KRT20: variants seen among roughly 807,000 people sequenced by gnomAD.
KRT20 encodes the protein keratin, type I cytoskeletal 20.
In KRT20, 41 loss-of-function variants were observed where a neutral mutation model predicts 43.0. The ratio of observed to expected loss-of-function variants is 0.95; its 90% CI spans 0.74 to 1.24. The LOEUF is 1.24. KRT20 is among the 50% of genes most tolerant of loss of function. The pLI is 0.00. For missense variants in KRT20, 533 were observed against 521.2 expected (o/e 1.02, Z -0.22); for synonymous variants, 207 against 200.6 (o/e 1.03, Z -0.27).
chr17:40,880,030 G>A, intron 4 of KRT20, 70 bp downstream of exon 4: 1 of 1,594,682 alleles, frequency 6.3e-7, no homozygotes, highest in Non-Finnish European at 8.6e-7. Context: ...AAATGAAAAA[G>A]AAAATGAGTT....
chr17:40,884,997 C>T lies in KRT20; in HGVS notation c.189G>A (p.Gly63=), dbSNP rs113985461. Residue 63 remains glycine (G), a synonymous_variant, in exon 1 of 8, where the codon GGG becomes GGA. Coordinates refer to ENST00000167588, the MANE Select transcript of KRT20 (RefSeq NM_019010.3). ...TTTTCTCATTGCCAACAAACAGGTC[C>T]CCGCCGCCTGTGAGATCGCTCCCAT... ...VNYGSDLTGG[G]DLFVGNEKMA... is the part of the protein sequence containing the mutation. 62 of 1,614,140 alleles carry T rather than the reference C, an allele frequency of 3.8e-5. No homozygotes were observed. The African/African-American group carries it at 6.0e-4, about 16-fold the overall frequency.
rs1907519638 is a variant in KRT20 at position 40,879,921 on chromosome 17, TTGC to T, written c.807_809del (p.Gln271del). On this transcript the variant is annotated inframe_deletion, in exon 5 of 8. Transcript: ENST00000167588. ...ATTCTTCAGTATTCACTGTGACCTGTTGCTGCAGAACTGCAGTCTACAGTGCCA... is the reference window on the plus strand; with the variant it reads ...ATTCTTCAGTATTCACTGTGACCTGTTGCAGAACTGCAGTCTACAGTGCCA... The T allele has an allele frequency of 6.2e-7, 1 of 1,613,738 alleles. No homozygotes were observed. The highest frequency in any genetic ancestry group is 8.5e-7 in the Non-Finnish European group (1 of 1,179,992).
intron 7 of KRT20, among the ~76,000 whole-genome samples, chr17:40,876,969 G>A (rs562528706): frequency 2.0e-5 from 3 of 152,122 alleles, no homozygotes; most frequent in Admixed American, 2.0e-4. Context: ...TGGGAGGTGC[G>A]GCCTAGTAAA....
At position 40,884,834 on chromosome 17, in the gene KRT20, T is replaced by A. The variant is rs1355767137; in HGVS notation, c.352A>T (p.Ser118Cys). Residue 118 changes from serine (S) to cysteine (C), a missense_variant, in exon 1 of 8, where the codon AGT becomes TGT. Ser to Cys is a moderately radical substitution (Grantham distance 112). Transcript: ENST00000167588. ...TCTTCAATTTGTCTGTAATATGCAC[T>A]GTAGTCGCGACCAGCCCTCGGGGCG... ...TNAPRAGRDY[S>C]AYYRQIEELR... 1.4e-5 allele frequency: 22 copies of A among 1,614,088 alleles called. No individual in the cohort carries two copies. The highest frequency in any genetic ancestry group is 1.9e-5 in the Non-Finnish European group (22 of 1,180,038).
At chr17:40,879,167 C>T (rs949031378) in intron 5 of KRT20, among the ~76,000 whole-genome samples, 1 of 152,152 alleles carries the variant, frequency 6.6e-6, no homozygotes, top group African/African-American at 2.4e-5. Flanking sequence ...GTAGGGCCTA[C>T]CCCTTTAGCC....
intron 5 of KRT20, 109 bp downstream of exon 5, chr17:40,879,704 T>G (rs1301583445): frequency 1.1e-5 from 14 of 1,268,390 alleles, no homozygotes; most frequent in Non-Finnish European, 1.5e-5. Flanking sequence ...CTGCCAGTTC[T>G]GCAAGGGGAA....
At chr17:40,877,228 C>T (rs373669530) in intron 7 of KRT20, 152 bp downstream of exon 7, 3 of 612,366 alleles carry the variant, frequency 4.9e-6, no homozygotes, top group East Asian at 3.3e-5. Flanking sequence ...GCCAAGTAAA[C>T]GTCTATTGTT....
In KRT20 at chr17:40,882,652, A is replaced by T. The variant is rs770710581; in HGVS notation, c.393T>A (p.Ile131=). 28 of 1,453,010 alleles carry T rather than the reference A, an allele frequency of 1.9e-5. No individual in the cohort carries two copies. Among genetic ancestry groups the T allele is most frequent in the Non-Finnish European group, 2.0e-5 (22 of 1,081,968 alleles). The allele number at this position is 1,453,010 out of a possible 1,614,324, so 90.0% of individuals were successfully genotyped here. ...GAGCATTTTGCAGTTGAGCATCCTT[A>T]ATCTGGAAAATACATGAGAAAGAAT... is the stretch of plus-strand genomic sequence containing the variant. ...YRQIEELRSQ[I]KDAQLQNARC... Residue 131 remains isoleucine, a splice_region_variant and synonymous_variant, in exon 2 of 8, where the codon ATT becomes ATA. Transcript: ENST00000167588.
intron 2 of KRT20, among the ~76,000 whole-genome samples, chr17:40,881,181 T>C (rs1907579533): frequency 1.3e-5 from 2 of 152,066 alleles, no homozygotes; most frequent in African/African-American, 4.8e-5. Flanking sequence ...CCAAAGTGAA[T>C]TATCTCAAAC....
intron 5 of KRT20, among the ~76,000 whole-genome samples, chr17:40,878,605 A>G (rs756893482): frequency 2.1e-4 from 32 of 152,104 alleles, no homozygotes; most frequent in Middle Eastern, 6.8e-3. Flanking sequence ...AGTGCGGCGC[A>G]TTGTAGCATT....
rs753820643 is a variant in KRT20 at position 40,882,558 on chromosome 17, A to T, written c.473+14T>A. 6 of 1,502,346 alleles carry T rather than the reference A, an allele frequency of 4.0e-6. No homozygotes were observed. The Admixed American group carries it at 1.2e-4, about 30-fold the overall frequency. The allele number at this position is 1,502,346 out of a possible 1,614,324, so 93.1% of individuals were successfully genotyped here. On this transcript the variant is annotated intron_variant, in intron 2 of 7. Coordinates refer to ENST00000167588, the MANE Select transcript of KRT20 (RefSeq NM_019010.3). ...TCTTTTTCAGAAACTTTTGCCACGT[A>T]TTAGGGAACCTACTTCAGTCTGAAG...
rs998031679 is a variant in KRT20 at position 40,876,028 on chromosome 17, A to G, written c.*333T>C. On this transcript the variant is annotated 3_prime_UTR_variant, in exon 8 of 8. Coordinates refer to ENST00000167588, the MANE Select transcript of KRT20 (RefSeq NM_019010.3). ...GTGAGGTTTAGTATAATTGAAATGT[A>G]TTGCAATTTTCAGGAACATTACCTA... The G allele has an allele frequency of 3.1e-5, 6 of 195,798 alleles. No homozygotes were observed. Among genetic ancestry groups the G allele is most frequent in the Admixed American group, 1.2e-4 (2 of 17,136 alleles). 12.1% of individuals were successfully genotyped at this position (195,798 alleles called of 1,614,324 possible). A position where few individuals can be genotyped will look rare whatever the true frequency, so the allele number is the denominator to read the frequency against.
intron 3 of KRT20, 68 bp downstream of exon 3, chr17:40,880,546 C>T (rs1907549267): frequency 1.4e-6 from 2 of 1,380,264 alleles, no homozygotes; most frequent in Non-Finnish European, 2.0e-6. Context: ...TTCTCCCGCT[C>T]CTCCTATTAT....
At chr17:40,883,882 C>T (rs7207084) in intron 1 of KRT20, among the ~76,000 whole-genome samples, 2,446 of 152,300 alleles carry the variant, frequency 0.016, 74 homozygotes, top group African/African-American at 0.056. Context: ...AAAGTAACTT[C>T]CCATGGAGTC....
intron 1 of KRT20, among the ~76,000 whole-genome samples, chr17:40,883,750 G>T (rs974948291): frequency 1.1e-4 from 17 of 152,232 alleles, no homozygotes; most frequent in Non-Finnish European, 2.1e-4. Context: ...CCAAACTAGA[G>T]TCAGAAACAC....
rs948077729 is a variant in KRT20 at position 40,881,200 on chromosome 17, A to G, written c.474-430T>C. On this transcript the variant is annotated intron_variant, in intron 2 of 7. Transcript: ENST00000167588. ...AGTGAATTATCTCAAACAGCTCTACATCCTCCTCTACAATCTTACATACAC... is the reference window on the plus strand; with the variant it reads ...AGTGAATTATCTCAAACAGCTCTACGTCCTCCTCTACAATCTTACATACAC... 2.0e-5 allele frequency among the ~76,000 whole-genome samples: 3 copies of G among 151,400 alleles called. No homozygotes were observed. In the South Asian group the frequency reaches 6.3e-4, roughly 32 times the overall value.
chr17:40,882,543 A>T, intron 2 of KRT20, 29 bp downstream of exon 2: 1 of 1,334,668 alleles, frequency 7.5e-7, no homozygotes, highest in Non-Finnish European at 1.0e-6. Flanking sequence ...TCTTTTTCAG[A>T]AACTTTTGCC....
At position 40,884,940 on chromosome 17, in the gene KRT20, C is replaced by A. The variant is rs753053653; in HGVS notation, c.246G>T (p.Ala82=). 6.2e-7 allele frequency: 1 copy of A among 1,614,156 alleles called. No homozygotes were observed. The highest frequency in any genetic ancestry group is 1.7e-5 in the Admixed American group (1 of 60,018). Residue 82 remains alanine (A), a synonymous_variant, in exon 1 of 8, where the codon GCG becomes GCT. Transcript: ENST00000167588. ...GGGTCCGCACCTTTTCTAGGTAGCT[C>A]GCTAGACGGTCATTTAGGTTCTGCA... is the stretch of plus-strand genomic sequence containing the variant. The part of the protein sequence containing the change: ...MAMQNLNDRL[A]SYLEKVRTLE...
At position 40,879,887 on chromosome 17, in the gene KRT20, T is replaced by C. The variant is rs763150871; in HGVS notation, c.844A>G (p.Thr282Ala). The C allele has an allele frequency of 1.5e-5, 24 of 1,613,606 alleles. No homozygotes were observed. In the Admixed American group the frequency reaches 4.0e-4, roughly 27 times the overall value. Residue 282 changes from threonine (T) to alanine (A), a missense_variant, in exon 5 of 8, where the codon ACT becomes GCT. Physicochemically the swap from Thr to Ala is moderately conservative, Grantham distance 58. Transcript: ENST00000167588. ...VTVNTEELKGTEVQLTELRRT... is the reference protein window; with the variant it reads ...VTVNTEELKGAEVQLTELRRT... ...CTCAGCTCCGTTAGTTGAACCTCAG[T>C]TCCTTTTAATTCTTCAGTATTCACT... is the stretch of plus-strand genomic sequence containing the variant.
Sources: allele counts gnomAD v4.1 joint callset (sites outside exome capture counted in the v4.1 genomes callset), GRCh38; gene constraint gnomAD v4.1.1; transcripts MANE v1.5; gene names NCBI Gene and HGNC (gene_info 2026-07-23, HGNC 2026-07-21).